The following RBFOX1 variants were observed in gnomAD, a reference collection of about 807,000 sequenced individuals.
RBFOX1 encodes RNA binding protein fox-1 homolog 1.
RBFOX1 carries 8 observed loss-of-function variants against 57.7 expected under a neutral mutation model. The ratio of observed to expected loss-of-function variants is 0.14; its 90% CI spans 0.08 to 0.25. The LOEUF (loss-of-function observed/expected upper bound fraction) is 0.25, where lower values mean the gene tolerates loss of function less well. Among genes scored for constraint, RBFOX1 ranks in the 10% least tolerant of loss-of-function variants. RBFOX1 has a pLI of 1.00. For synonymous variants in RBFOX1, 326 were observed against 222.4 expected (o/e 1.47, Z -4.15); for missense variants, 611 against 548.5 (o/e 1.11, Z -1.14).
chr16:6,391,911 A>G (rs1457570120), intron 2 of RBFOX1, among the ~76,000 whole-genome samples: 2 of 152,184 alleles, frequency 1.3e-5, no homozygotes, highest in Non-Finnish European at 2.9e-5. Flanking sequence ...ATGTTTCGGC[A>G]GCGCTGAGGA....
intron 4 of RBFOX1, among the ~76,000 whole-genome samples, chr16:7,417,139 G>A (rs1180791961): frequency 1.3e-5 from 2 of 152,016 alleles, no homozygotes; most frequent in African/African-American, 4.8e-5. Context: ...GGAGGCGGAG[G>A]CGGGTGGATC....
chr16:7,445,058 G>A (rs980537559), intron 4 of RBFOX1, among the ~76,000 whole-genome samples: 5 of 151,134 alleles, frequency 3.3e-5, no homozygotes, highest in Admixed American at 2.0e-4. Flanking sequence ...AAAAAGCAAC[G>A]TTCTTGACTG....
At chr16:6,067,181 A>G (rs1410868364) in intron 1 of RBFOX1, among the ~76,000 whole-genome samples, 1 of 152,212 alleles carries the variant, frequency 6.6e-6, no homozygotes, top group Non-Finnish European at 1.5e-5. Flanking sequence ...GACATTAAAA[A>G]TAGAACTCCT....
chr16:7,586,533 T>C (rs1366519064), intron 6 of RBFOX1, among the ~76,000 whole-genome samples: 3 of 152,244 alleles, frequency 2.0e-5, no homozygotes, highest in Non-Finnish European at 4.4e-5. Flanking sequence ...GTGTGACATA[T>C]CCTGAAAAAT....
chr16:6,563,787 C>CT (rs1456487344), intron 2 of RBFOX1, among the ~76,000 whole-genome samples: 1 of 151,764 alleles, frequency 6.6e-6, no homozygotes, highest in East Asian at 1.9e-4. Flanking sequence ...GACTGAGCCA[C>CT]TGCAATCCAG....
rs549045254 is a variant in RBFOX1 at position 6,187,438 on chromosome 16, G to A, written c.-126-129557G>A. 2.5e-3 allele frequency among the ~76,000 whole-genome samples: 374 copies of A among 152,256 alleles called. 1 individual carries two copies. The highest frequency in any genetic ancestry group is 3.8e-3 in the Non-Finnish European group (260 of 68,010). On this transcript the variant is annotated intron_variant, in intron 1 of 15. Transcript: ENST00000550418. Reference sequence around the variant, plus strand: ...AGAGATAACAGGGATAAAAGATTGGGAATTTAGGCGGAAGTCAGACAGCTC... The same window carrying A: ...AGAGATAACAGGGATAAAAGATTGGAAATTTAGGCGGAAGTCAGACAGCTC...
intron 3 of RBFOX1, among the ~76,000 whole-genome samples, chr16:5,836,438 C>T (rs1222801369): frequency 1.3e-5 from 2 of 152,212 alleles, no homozygotes; most frequent in Admixed American, 1.3e-4. Context: ...ATACCTGTCA[C>T]TTGCTCCCCC....
intron 10 of RBFOX1, among the ~76,000 whole-genome samples, chr16:7,612,234 T>C (rs2057625731): frequency 1.4e-5 from 2 of 141,710 alleles, no homozygotes; most frequent in Admixed American, 7.6e-5. Flanking sequence ...GGCAGGAGAA[T>C]GGCATGAACC....
intron 3 of RBFOX1, among the ~76,000 whole-genome samples, chr16:5,711,271 T>A (rs2051477071): frequency 6.6e-6 from 1 of 152,212 alleles, no homozygotes; most frequent in Admixed American, 6.5e-5. Flanking sequence ...TTGGTATTAG[T>A]CATTGTTATC....
chr16:6,176,692 A>AT (rs71142687), intron 1 of RBFOX1, among the ~76,000 whole-genome samples: 78,443 of 148,760 alleles, frequency 0.53, 20,697 homozygotes, highest in Admixed American at 0.64. Flanking sequence ...TTCTTAGGTC[A>AT]TTTTTTTTTT....
At chr16:6,688,731 T>G (rs1190162937) in intron 3 of RBFOX1, among the ~76,000 whole-genome samples, 1 of 152,188 alleles carries the variant, frequency 6.6e-6, no homozygotes, top group Non-Finnish European at 1.5e-5. Context: ...GGTGGTTTGC[T>G]GCACACATCA....
intron 3 of RBFOX1, among the ~76,000 whole-genome samples, chr16:5,669,029 T>TGTG (rs1168465000): frequency 6.6e-6 from 1 of 152,164 alleles, no homozygotes; most frequent in Non-Finnish European, 1.5e-5. Flanking sequence ...GTCCACCCAT[T>TGTG]GGTACTGTCT....
Position 6,752,743 on chromosome 16 carries a change from C to A in RBFOX1, c.-16+98093C>A, listed in dbSNP as rs545343151. ...CTTGATTTCAAAACTTTCCTATCCC[C>A]CTTTCCCTTACTGCTTCTTCACTTC... On this transcript the variant is annotated intron_variant, in intron 3 of 15. Transcript: ENST00000550418. 2.6e-5 allele frequency among the ~76,000 whole-genome samples: 4 copies of A among 152,264 alleles called. No homozygotes were observed. In the East Asian group the frequency reaches 5.8e-4, roughly 22 times the overall value.
intron 3 of RBFOX1, among the ~76,000 whole-genome samples, chr16:5,698,715 T>A (rs185783639): frequency 1.3e-5 from 2 of 152,174 alleles, no homozygotes; most frequent in Non-Finnish European, 2.9e-5. Context: ...ATTAACTGAT[T>A]AATGAATAAT....
At chr16:7,269,018 C>T (rs2095250503) in intron 4 of RBFOX1, among the ~76,000 whole-genome samples, 1 of 119,332 alleles carries the variant, frequency 8.4e-6, no homozygotes, top group Non-Finnish European at 1.6e-5. Flanking sequence ...GCTTGGGCGA[C>T]AGAGTGAGAC....
At chr16:6,545,383 T>C (rs1330252381) in intron 2 of RBFOX1, among the ~76,000 whole-genome samples, 1 of 152,194 alleles carries the variant, frequency 6.6e-6, no homozygotes, top group Non-Finnish European at 1.5e-5. Flanking sequence ...CTTGCCTTTC[T>C]CTCCAACCCC....
intron 4 of RBFOX1, among the ~76,000 whole-genome samples, chr16:7,085,083 C>T (rs753531949): frequency 4.7e-4 from 69 of 148,134 alleles, no homozygotes; most frequent in South Asian, 2.1e-4. Context: ...TCTATATGAA[C>T]GCCGTATCTA....
intron 4 of RBFOX1, among the ~76,000 whole-genome samples, chr16:5,944,892 G>A (rs1379689057): frequency 6.8e-6 from 1 of 146,258 alleles, no homozygotes; most frequent in African/African-American, 2.6e-5. Context: ...CTTGAACCCA[G>A]GAGGCAGAGG....
At chr16:7,648,040 C>T (rs1217870289) in intron 11 of RBFOX1, among the ~76,000 whole-genome samples, 1 of 152,088 alleles carries the variant, frequency 6.6e-6, no homozygotes, top group African/African-American at 2.4e-5. Flanking sequence ...GACCACCACA[C>T]CTGTAGGCAA....
Sources: gnomAD v4.1 joint callset for allele counts (sites outside exome capture counted in the v4.1 genomes callset) on GRCh38, gnomAD v4.1.1 for gene constraint, MANE v1.5 for transcripts, NCBI Gene and HGNC (gene_info 2026-07-23, HGNC 2026-07-21) for gene names.